ENTREP2: variants seen among roughly 807,000 people sequenced by gnomAD.
ENTREP2 encodes the protein endosomal transmembrane epsin interactor 2, also known as protein ENTREP2.
the ENTREP2 span, among the ~76,000 whole-genome samples, chr15:29,529,377 G>T: frequency 6.6e-6 from 1 of 151,908 alleles, no homozygotes; most frequent in Non-Finnish European, 1.5e-5. Context: ...TGCCATTGGT[G>T]AGGCAGGTTA....
the ENTREP2 span, among the ~76,000 whole-genome samples, chr15:29,217,301 T>A: frequency 6.6e-6 from 1 of 152,154 alleles, no homozygotes; most frequent in Non-Finnish European, 1.5e-5. Flanking sequence ...AGAATCTGTC[T>A]GGTTCTCTTA....
At chr15:29,234,002 T>G in the ENTREP2 span, 1 of 1,492,178 alleles carries the variant, frequency 6.7e-7, no homozygotes, top group Non-Finnish European at 9.3e-7. Flanking sequence ...AGTTGAAATA[T>G]CTGATTGACT....
At chr15:29,233,914 A>C in the ENTREP2 span, 1 of 1,573,238 alleles carries the variant, frequency 6.4e-7, no homozygotes. Flanking sequence ...ATGGCTGAAG[A>C]AACTGTTCAG....
chr15:29,328,187 T>C, the ENTREP2 span, among the ~76,000 whole-genome samples: 1 of 152,190 alleles, frequency 6.6e-6, no homozygotes, highest in Non-Finnish European at 1.5e-5. Context: ...TCTTAAAAAG[T>C]AACATATTGC....
At chr15:29,432,336 C>T in the ENTREP2 span, among the ~76,000 whole-genome samples, 1 of 152,196 alleles carries the variant, frequency 6.6e-6, no homozygotes, top group Admixed American at 6.5e-5. Flanking sequence ...CGCACGCCTG[C>T]CATGTCTGAG....
the ENTREP2 span, among the ~76,000 whole-genome samples, chr15:29,645,596 C>T: frequency 6.6e-6 from 1 of 151,754 alleles, no homozygotes; most frequent in African/African-American, 2.4e-5. Context: ...CTCGCTCTGT[C>T]ACCCAGGCTG....
chr15:29,222,341 C>T, the ENTREP2 span, among the ~76,000 whole-genome samples: 1 of 152,186 alleles, frequency 6.6e-6, no homozygotes, highest in Non-Finnish European at 1.5e-5. Flanking sequence ...CCTTGTTTAG[C>T]ATATCATCAC....
chr15:29,123,225 A>T, the ENTREP2 span: 9 of 1,145,214 alleles, frequency 7.9e-6, no homozygotes, highest in African/African-American at 1.1e-4. Flanking sequence ...TGTCCCCCCC[A>T]CATTTATCCT....
chr15:29,261,250 C>T, the ENTREP2 span, among the ~76,000 whole-genome samples: 5 of 152,094 alleles, frequency 3.3e-5, no homozygotes, highest in South Asian at 4.2e-4. Flanking sequence ...TGGTGGTGCT[C>T]GCCTGTAATC....
the ENTREP2 span, among the ~76,000 whole-genome samples, chr15:29,637,123 CCAAA>C: frequency 6.6e-6 from 1 of 152,110 alleles, no homozygotes; most frequent in Non-Finnish European, 1.5e-5. Context: ...TGCCAGAAAC[CCAAA>C]CAAAGGGATC....
the ENTREP2 span, among the ~76,000 whole-genome samples, chr15:29,309,023 T>C: frequency 6.6e-6 from 1 of 152,160 alleles, no homozygotes; most frequent in Non-Finnish European, 1.5e-5. Context: ...TTGCTACTTC[T>C]CTGGGTCTTC....
the ENTREP2 span, among the ~76,000 whole-genome samples, chr15:29,170,974 G>A: frequency 6.6e-6 from 1 of 152,196 alleles, no homozygotes; most frequent in Non-Finnish European, 1.5e-5. Context: ...AGCATCTGGT[G>A]GGGGTCCTCC....
chr15:29,209,267 C>A, the ENTREP2 span, among the ~76,000 whole-genome samples: 1 of 152,202 alleles, frequency 6.6e-6, no homozygotes, highest in Non-Finnish European at 1.5e-5. Context: ...TTTGGGAGGC[C>A]AAGGTGGGCA....
chr15:29,596,631 C>T, the ENTREP2 span, among the ~76,000 whole-genome samples: 2 of 152,014 alleles, frequency 1.3e-5, no homozygotes, highest in Admixed American at 1.3e-4. Context: ...TCGCATTCTG[C>T]CTCTCATTCT....
At chr15:29,217,613 T>A in the ENTREP2 span, among the ~76,000 whole-genome samples, 1 of 152,168 alleles carries the variant, frequency 6.6e-6, no homozygotes, top group African/African-American at 2.4e-5. Context: ...TTTTTTATTG[T>A]TTTTTCCTTA....
At chr15:29,401,835 A>G in the ENTREP2 span, among the ~76,000 whole-genome samples, 2 of 152,240 alleles carry the variant, frequency 1.3e-5, no homozygotes, top group African/African-American at 4.8e-5. Flanking sequence ...CCACTGTGGA[A>G]TGATCTCGAA....
At chr15:29,175,325 T>G in the ENTREP2 span, among the ~76,000 whole-genome samples, 1 of 152,214 alleles carries the variant, frequency 6.6e-6, no homozygotes, top group Non-Finnish European at 1.5e-5. Flanking sequence ...GTGCTGCCGG[T>G]AACGCTTAGC....
At chr15:29,230,170 C>T in the ENTREP2 span, among the ~76,000 whole-genome samples, 1 of 152,158 alleles carries the variant, frequency 6.6e-6, no homozygotes, top group African/African-American at 2.4e-5. Flanking sequence ...CCACTATTGC[C>T]TTAGGTTGGA....
At chr15:29,664,294 C>T in the ENTREP2 span, among the ~76,000 whole-genome samples, 1 of 152,174 alleles carries the variant, frequency 6.6e-6, no homozygotes, top group Non-Finnish European at 1.5e-5. Flanking sequence ...CTGTGGTCAA[C>T]AGCTAAATTC....
Sources: gnomAD v4.1 joint callset for allele counts (sites outside exome capture counted in the v4.1 genomes callset) on GRCh38, gnomAD v4.1.1 for gene constraint, MANE v1.5 for transcripts, NCBI Gene and HGNC (gene_info 2026-07-23, HGNC 2026-07-21) for gene names.